The following GPR158 variants were observed in gnomAD, a reference collection of about 807,000 sequenced individuals.
GPR158 encodes the protein metabotropic glycine receptor.
Under a neutral mutation model 78.2 loss-of-function variants are expected in GPR158, and 30 were observed. The observed-to-expected ratio is 0.38, with a 90% CI of 0.29 to 0.52. The LOEUF is 0.52. GPR158 is among the 20% of genes least tolerant of loss of function. The pLI is 0.83. For missense variants in GPR158, 1,463 were observed against 1,523.5 expected, an observed-to-expected ratio of 0.96 and a Z score of 0.66; for synonymous variants, 581 against 591.1, an observed-to-expected ratio of 0.98 and a Z score of 0.25.
intron 2 of GPR158, among the ~76,000 whole-genome samples, chr10:25,343,249 CTCTT>C (rs1224235239): frequency 3.3e-5 from 5 of 152,064 alleles, no homozygotes; most frequent in African/African-American, 9.6e-5. Flanking sequence ...ATCTAGGACT[CTCTT>C]TCTTCTAAGT....
intron 1 of GPR158, among the ~76,000 whole-genome samples, chr10:25,198,884 A>G (rs1044298186): frequency 3.9e-5 from 6 of 151,950 alleles, no homozygotes; most frequent in East Asian, 1.9e-4. Context: ...GATAGGTTCT[A>G]TTGAGGGTTT....
At chr10:25,515,358 TTA>T (rs1214306974) in intron 5 of GPR158, among the ~76,000 whole-genome samples, 1 of 152,082 alleles carries the variant, frequency 6.6e-6, no homozygotes, top group Non-Finnish European at 1.5e-5. Context: ...TGTTTTTAAT[TTA>T]TGTTATCTAT....
At chr10:25,230,210 A>G (rs1180130064) in intron 2 of GPR158, among the ~76,000 whole-genome samples, 1 of 152,262 alleles carries the variant, frequency 6.6e-6, no homozygotes, top group African/African-American at 2.4e-5. Context: ...AATGTGAATC[A>G]AAATTCCTAT....
At chr10:25,185,645 A>C (rs1411753181) in intron 1 of GPR158, among the ~76,000 whole-genome samples, 1 of 152,120 alleles carries the variant, frequency 6.6e-6, no homozygotes, top group African/African-American at 2.4e-5. Context: ...AACAGGGTGA[A>C]ACCCCGTCTG....
At chr10:25,415,050 G>A (rs1834641849) in intron 4 of GPR158, among the ~76,000 whole-genome samples, 1 of 152,084 alleles carries the variant, frequency 6.6e-6, no homozygotes, top group African/African-American at 2.4e-5. Context: ...AGATCGAAAT[G>A]AGAGAGTAAA....
chr10:25,218,231 T>G (rs544444148), intron 1 of GPR158, among the ~76,000 whole-genome samples: 4 of 152,188 alleles, frequency 2.6e-5, no homozygotes, highest in South Asian at 2.1e-4. Flanking sequence ...TGAAGAAGCC[T>G]CGTTGATTTC....
intron 5 of GPR158, among the ~76,000 whole-genome samples, chr10:25,507,109 C>T (rs1309212968): frequency 6.6e-6 from 1 of 152,170 alleles, no homozygotes; most frequent in African/African-American, 2.4e-5. Flanking sequence ...TTCCAGGATC[C>T]AGACAGCTAC....
At chr10:25,375,234 G>T (rs1834061027) in intron 2 of GPR158, among the ~76,000 whole-genome samples, 1 of 151,502 alleles carries the variant, frequency 6.6e-6, no homozygotes. Flanking sequence ...TGCAGTGCTT[G>T]TATTTTTACC....
At chr10:25,185,149 G>A (rs1852663700) in intron 1 of GPR158, among the ~76,000 whole-genome samples, 1 of 152,142 alleles carries the variant, frequency 6.6e-6, no homozygotes, top group South Asian at 2.1e-4. Flanking sequence ...ACTGGTGTAG[G>A]GGAGCACATA....
At chr10:25,407,703 A>G (rs1336955477) in intron 3 of GPR158, among the ~76,000 whole-genome samples, 1 of 152,252 alleles carries the variant, frequency 6.6e-6, no homozygotes, top group East Asian at 1.9e-4. Context: ...TAACCAAGTC[A>G]TCTAAAATTA....
At chr10:25,344,138 T>G (rs1377257688) in intron 2 of GPR158, among the ~76,000 whole-genome samples, 1 of 152,016 alleles carries the variant, frequency 6.6e-6, no homozygotes, top group African/African-American at 2.4e-5. Context: ...ATTTTTCAAA[T>G]TGTACAGCAT....
At chr10:25,356,760 T>C (rs1245095514) in intron 2 of GPR158, among the ~76,000 whole-genome samples, 1 of 152,118 alleles carries the variant, frequency 6.6e-6, no homozygotes, top group Admixed American at 6.6e-5. Context: ...CAGTCTCTGG[T>C]ACATCTTAAT....
Position 25,221,391 on chromosome 10 carries a change from A to G in GPR158, c.1008+234A>G, listed in dbSNP as rs1853298249. Among the ~76,000 whole-genome samples, 3 of 152,216 alleles carry G rather than the reference A, an allele frequency of 2.0e-5. No homozygotes were observed. In the South Asian group the frequency reaches 6.2e-4, roughly 32 times the overall value. ...ACAATTACATCTGAAGTTTGACTTT[A>G]GTCAAAGCCTGGCCCTATTCTTCAA... is the stretch of plus-strand genomic sequence containing the variant. On this transcript the variant is annotated intron_variant, in intron 2 of 10. Transcript: ENST00000376351.
intron 2 of GPR158, among the ~76,000 whole-genome samples, chr10:25,338,846 A>G (rs1247292339): frequency 2.0e-5 from 3 of 151,314 alleles, no homozygotes; most frequent in Non-Finnish European, 4.4e-5. Flanking sequence ...AATCTATACA[A>G]TAATGTGGAG....
At chr10:25,294,663 A>G (rs574131672) in intron 2 of GPR158, among the ~76,000 whole-genome samples, 1 of 152,330 alleles carries the variant, frequency 6.6e-6, no homozygotes, top group African/African-American at 2.4e-5. Flanking sequence ...GGATGTAATC[A>G]TTTCTGTCTG....
intron 2 of GPR158, among the ~76,000 whole-genome samples, chr10:25,246,788 G>T (rs1275351246): frequency 6.6e-6 from 1 of 152,196 alleles, no homozygotes; most frequent in Non-Finnish European, 1.5e-5. Context: ...TTATGCAGCT[G>T]ATTGATAAGA....
chr10:25,353,262 A>G (rs1276172867), intron 2 of GPR158, among the ~76,000 whole-genome samples: 2 of 152,022 alleles, frequency 1.3e-5, no homozygotes, highest in African/African-American at 4.8e-5. Context: ...AGCACTTGGT[A>G]TTTAAAAAGT....
At chr10:25,574,900 A>T (rs1374708938) in intron 7 of GPR158, among the ~76,000 whole-genome samples, 1 of 151,786 alleles carries the variant, frequency 6.6e-6, no homozygotes, top group Non-Finnish European at 1.5e-5. Flanking sequence ...AATAAAAAAC[A>T]AAAAAAATAG....
intron 4 of GPR158, among the ~76,000 whole-genome samples, chr10:25,425,068 G>A (rs1215190104): frequency 1.3e-5 from 2 of 152,082 alleles, no homozygotes; most frequent in South Asian, 2.1e-4. Flanking sequence ...ATTGAGCAGT[G>A]GTTTGTAGTT....
Sources: allele counts gnomAD v4.1 joint callset (sites outside exome capture counted in the v4.1 genomes callset), GRCh38; gene constraint gnomAD v4.1.1; transcripts MANE v1.5; gene names NCBI Gene and HGNC (gene_info 2026-07-23, HGNC 2026-07-21).